Variants in ITK observed in about 807,000 individuals in gnomAD.
ITK encodes IL2 inducible T cell kinase.
Under a neutral mutation model 87.6 loss-of-function variants are expected in ITK, and 45 were observed. The observed-to-expected ratio is 0.51, with a 90% CI of 0.40 to 0.66. ITK has a LOEUF of 0.66. Among genes scored for constraint, ITK ranks in the 30% least tolerant of loss-of-function variants. The pLI is 0.00. For synonymous variants in ITK, 303 were observed against 273.6 expected (o/e 1.11, Z -1.06); for missense variants, 605 against 766.3 (o/e 0.79, Z 2.48).
At chr5:157,244,578 T>C in intron 13 of ITK, 100 bp downstream of exon 13, 1 of 771,490 alleles carries the variant, frequency 1.3e-6, no homozygotes, top group Non-Finnish European at 2.3e-6. Flanking sequence ...TTACAGATAA[T>C]CTCCTTTCCT....
In ITK at chr5:157,211,338, C is replaced by T. The variant is rs1754188575; in HGVS notation, c.295C>T (p.Arg99Trp). The T allele has an allele frequency of 3.7e-6, 6 of 1,614,038 alleles. No homozygotes were observed. Among genetic ancestry groups the T allele is most frequent in the Non-Finnish European group, 5.1e-6 (6 of 1,179,932 alleles). ...TGTGTTTGCTCCAGATCGTGAGAGCCGGCAGCGCTGGGTGCTGGCCCTTAA... is the reference window on the plus strand; with the variant it reads ...TGTGTTTGCTCCAGATCGTGAGAGCTGGCAGCGCTGGGTGCTGGCCCTTAA... ...LYVFAPDRES[R>W]QRWVLALKEE... is the part of the protein sequence containing the mutation. The change falls in exon 3 of 17, where the codon CGG becomes TGG. Residue 99 changes from arginine to tryptophan, a missense_variant. Physicochemically the swap from Arg to Trp is moderately radical, Grantham distance 101. Transcript: ENST00000422843.
At chr5:157,209,867 T>C (rs1754153518) in intron 2 of ITK, among the ~76,000 whole-genome samples, 1 of 152,166 alleles carries the variant, frequency 6.6e-6, no homozygotes, top group Admixed American at 6.5e-5. Context: ...TAGCAGGACA[T>C]GGCTGGCAGC....
chr5:157,252,526 C>G, intron 16 of ITK, 81 bp from the exon 17 acceptor site: 3 of 971,174 alleles, frequency 3.1e-6, no homozygotes, highest in South Asian at 2.6e-5. Context: ...GGGGATGCTG[C>G]TATTAAATTC....
At chr5:157,210,497 T>C (rs1253091302) in intron 2 of ITK, among the ~76,000 whole-genome samples, 1 of 151,906 alleles carries the variant, frequency 6.6e-6, no homozygotes, top group African/African-American at 2.4e-5. Flanking sequence ...GACTGCAGTT[T>C]AGTTAACAGT....
chr5:157,246,496 G>A (rs986839083), intron 15 of ITK, among the ~76,000 whole-genome samples: 1 of 151,754 alleles, frequency 6.6e-6, no homozygotes, highest in Non-Finnish European at 1.5e-5. Context: ...GAGATGGGAG[G>A]GGAGACAGAA....
At chr5:157,192,541 C>T (rs1753773379) in intron 1 of ITK, among the ~76,000 whole-genome samples, 1 of 152,240 alleles carries the variant, frequency 6.6e-6, no homozygotes, top group Non-Finnish European at 1.5e-5. Flanking sequence ...GGTCACCGGG[C>T]TAATTCTTTA....
At chr5:157,222,756 A>C in intron 5 of ITK, 107 bp from the exon 6 acceptor site, 1 of 1,056,910 alleles carries the variant, frequency 9.5e-7, no homozygotes, top group South Asian at 1.3e-5. Flanking sequence ...CTCATAAAGA[A>C]AGTCTACCAG....
At chr5:157,237,238 T>C (rs1580903441) in intron 8 of ITK, among the ~76,000 whole-genome samples, 1 of 152,218 alleles carries the variant, frequency 6.6e-6, no homozygotes, top group East Asian at 1.9e-4. Flanking sequence ...TTGTGCATTC[T>C]GCAGCAACAT....
At chr5:157,209,336 A>C (rs897520845) in intron 2 of ITK, among the ~76,000 whole-genome samples, 3 of 151,996 alleles carry the variant, frequency 2.0e-5, no homozygotes, top group Non-Finnish European at 4.4e-5. Flanking sequence ...GTCAAAAAAA[A>C]AAAAAAAAAA....
At chr5:157,252,205 T>C (rs1008644077) in intron 16 of ITK, among the ~76,000 whole-genome samples, 2 of 152,224 alleles carry the variant, frequency 1.3e-5, no homozygotes, top group Non-Finnish European at 2.9e-5. Context: ...CATGTAGATA[T>C]TTTCTGAGAT....
chr5:157,184,792 G>T (rs1753608912), intron 1 of ITK, among the ~76,000 whole-genome samples: 1 of 152,172 alleles, frequency 6.6e-6, no homozygotes, highest in Non-Finnish European at 1.5e-5. Context: ...TCACAATTTT[G>T]CCCAAGCACC....
At position 157,243,841 on chromosome 5, in the gene ITK, G is replaced by A. The variant is rs141668893; in HGVS notation, c.1232+47G>A. 549 of 1,573,292 alleles carry A rather than the reference G, an allele frequency of 3.5e-4. No individual in the cohort carries two copies. The African/African-American group carries it at 6.3e-3, about 18-fold the overall frequency. On this transcript the variant is annotated intron_variant, in intron 12 of 16. Transcript: ENST00000422843. ...ATGCAGAAACTCTGGGGGGAACATC[G>A]GTTCAGTGTTCTTGAAATGCCATTC...
intron 6 of ITK, among the ~76,000 whole-genome samples, chr5:157,226,698 A>G (rs1172634071): frequency 6.6e-6 from 1 of 152,242 alleles, no homozygotes; most frequent in Non-Finnish European, 1.5e-5. Flanking sequence ...CATTTCCCAT[A>G]AACATAATCA....
At chr5:157,185,387 C>T (rs530395041) in intron 1 of ITK, among the ~76,000 whole-genome samples, 31 of 151,970 alleles carry the variant, frequency 2.0e-4, no homozygotes, top group Non-Finnish European at 3.7e-4. Flanking sequence ...TACGGGTGCG[C>T]GCCATCATGC....
chr5:157,193,784 A>T (rs556041940), intron 1 of ITK, among the ~76,000 whole-genome samples: 5 of 152,308 alleles, frequency 3.3e-5, no homozygotes, highest in African/African-American at 1.2e-4. Context: ...AACATAATCC[A>T]ATAGAGGTGT....
chr5:157,191,370 G>A (rs1220151987), intron 1 of ITK, among the ~76,000 whole-genome samples: 1 of 152,146 alleles, frequency 6.6e-6, no homozygotes, highest in Non-Finnish European at 1.5e-5. Context: ...ATAGACAGTA[G>A]CAGCAAAGAC....
At chr5:157,191,114 TG>T (rs1753744840) in intron 1 of ITK, among the ~76,000 whole-genome samples, 11 of 146,818 alleles carry the variant, frequency 7.5e-5, no homozygotes, top group African/African-American at 2.6e-4. Flanking sequence ...AGTTGTCTTA[TG>T]TTTTTTTATT....
In ITK at chr5:157,253,886, G is replaced by T. The variant is rs115086689; in HGVS notation, c.*1208G>T. ...GCTTGAGCACTTCTATATGCAAGGT[G>T]AATATGTACTGAGCTAGGAGACTTC... On this transcript the variant is annotated 3_prime_UTR_variant, in exon 17 of 17. Coordinates refer to ENST00000422843, the MANE Select transcript of ITK (RefSeq NM_005546.4). 9.2e-3 allele frequency: 2,054 copies of T among 222,844 alleles called. 39 individuals carry two copies. Among genetic ancestry groups the T allele is most frequent in the African/African-American group, 0.043 (1,907 of 44,794 alleles). 13.8% of individuals were successfully genotyped at this position (222,844 alleles called of 1,614,324 possible). A position where few individuals can be genotyped will look rare whatever the true frequency, so the allele number is the denominator to read the frequency against.
rs1754577767 is a variant in ITK at position 157,228,289 on chromosome 5, T to C, written c.648-7T>C. 1 of 1,574,836 alleles carries C rather than the reference T, an allele frequency of 6.3e-7. No individual in the cohort carries two copies. The highest frequency in any genetic ancestry group is 1.3e-5 in the African/African-American group (1 of 74,318). On this transcript the variant is annotated splice_polypyrimidine_tract_variant and splice_region_variant and intron_variant, in intron 6 of 16. Transcript: ENST00000422843. Reference sequence around the variant, plus strand: ...GTAAGTCTAAACATTAATTTTCCTTTTAACAGGCATGAAGGATATGTACCA... The same window carrying C: ...GTAAGTCTAAACATTAATTTTCCTTCTAACAGGCATGAAGGATATGTACCA...
Sources: gnomAD v4.1 joint callset for allele counts (sites outside exome capture counted in the v4.1 genomes callset) on GRCh38, gnomAD v4.1.1 for gene constraint, MANE v1.5 for transcripts, NCBI Gene and HGNC (gene_info 2026-07-23, HGNC 2026-07-21) for gene names.